FGF18: variants seen among roughly 807,000 people sequenced by gnomAD.
FGF18 encodes the protein fibroblast growth factor 18.
FGF18 carries 5 observed loss-of-function variants against 23.0 expected under a neutral mutation model. The observed-to-expected ratio is 0.22, with a 90% CI of 0.11 to 0.46. FGF18 has a LOEUF of 0.46. FGF18 is among the 20% of genes least tolerant of loss of function. The probability of loss-of-function intolerance (pLI) is 0.99; values close to 1 mark genes in which losing one functional copy is unlikely to be tolerated. For synonymous variants in FGF18, 117 were observed against 118.9 expected, an observed-to-expected ratio of 0.98 and a Z score of 0.10; for missense variants, 180 against 291.6, an observed-to-expected ratio of 0.62 and a Z score of 2.79.
intron 2 of FGF18, among the ~76,000 whole-genome samples, chr5:171,425,817 A>G (rs1454472674): frequency 6.6e-6 from 1 of 152,200 alleles, no homozygotes; most frequent in Non-Finnish European, 1.5e-5. Flanking sequence ...GGCATGAGCC[A>G]CTGCGCCTGG....
intron 3 of FGF18, among the ~76,000 whole-genome samples, chr5:171,437,497 A>C (rs1402367599): frequency 6.8e-6 from 1 of 146,540 alleles, no homozygotes. Flanking sequence ...TTCCCCTCCC[A>C]CTCTCTTTCC....
At chr5:171,447,740 G>A (rs1772439541) in intron 3 of FGF18, among the ~76,000 whole-genome samples, 1 of 152,132 alleles carries the variant, frequency 6.6e-6, no homozygotes, top group South Asian at 2.1e-4. Context: ...CATACCTAGT[G>A]TATTTTAGGG....
intron 3 of FGF18, among the ~76,000 whole-genome samples, chr5:171,443,454 TGC>T (rs1772374000): frequency 6.7e-6 from 1 of 148,588 alleles, no homozygotes; most frequent in Admixed American, 6.8e-5. Flanking sequence ...ATCTTAACAT[TGC>T]TTGACACATG....
At position 171,436,686 on chromosome 5, in the gene FGF18, T is replaced by A. The variant is rs1413259318; in HGVS notation, c.250+413T>A. On this transcript the variant is annotated intron_variant, in intron 3 of 4. Transcript: ENST00000274625. This position sits in a 1 kb window ranked among gnomAD's most constrained non-coding sequence, Gnocchi z 4.4. ...GTGGTGAAAATCAGCCTAGTGTGTG[T>A]GTTATGTGCGCGTGTGCATATGGGT... is the stretch of plus-strand genomic sequence containing the variant. 6.6e-6 allele frequency among the ~76,000 whole-genome samples: 1 copy of A among 152,186 alleles called. No individual in the cohort carries two copies. Among genetic ancestry groups the A allele is most frequent in the East Asian group, 1.9e-4 (1 of 5,188 alleles).
At position 171,456,822 on chromosome 5, in the gene FGF18, C is replaced by T. The variant is rs750217046; in HGVS notation, c.*17C>T. 1 of 1,596,234 alleles carries T rather than the reference C, an allele frequency of 6.3e-7. No homozygotes were observed. The highest frequency in any genetic ancestry group is 8.5e-7 in the Non-Finnish European group (1 of 1,169,730). On this transcript the variant is annotated 3_prime_UTR_variant, in exon 5 of 5. Coordinates refer to ENST00000274625, the MANE Select transcript of FGF18 (RefSeq NM_003862.3). This position sits in a 1 kb window ranked among gnomAD's most constrained non-coding sequence, Gnocchi z 6.1. ...CCTGCCTAGGCCACCCCGCCGCGGC[C>T]CCTCAGGTCGCCCTGGCCACACTCA...
chr5:171,455,357 T>C (rs1315091491), intron 4 of FGF18, among the ~76,000 whole-genome samples: 1 of 152,216 alleles, frequency 6.6e-6, no homozygotes, highest in Admixed American at 6.5e-5. Context: ...TGACATGTAA[T>C]TTGTATTTAA....
At chr5:171,432,091 C>T (rs944018100) in intron 2 of FGF18, among the ~76,000 whole-genome samples, 4 of 152,138 alleles carry the variant, frequency 2.6e-5, no homozygotes, top group Non-Finnish European at 5.9e-5. Flanking sequence ...TTCTTCAAAC[C>T]GCAGCTTTTC....
intron 3 of FGF18, among the ~76,000 whole-genome samples, chr5:171,442,535 G>A (rs1341747629): frequency 2.6e-5 from 4 of 152,196 alleles, no homozygotes; most frequent in Non-Finnish European, 4.4e-5. Context: ...GCCCCAGATC[G>A]GAGGCCCAGC....
intron 1 of FGF18, 22 bp from the exon 2 acceptor site, chr5:171,420,385 C>G (rs1301081566): frequency 1.9e-6 from 3 of 1,613,262 alleles, no homozygotes; most frequent in African/African-American, 2.7e-5. Context: ...CCACTGACCG[C>G]TTCTCCATCT....
chr5:171,423,836 T>C (rs943001235), intron 2 of FGF18, among the ~76,000 whole-genome samples: 3 of 150,606 alleles, frequency 2.0e-5, no homozygotes, highest in Admixed American at 2.0e-4. Context: ...TGGCGTGATC[T>C]TGGCTAACTG....
At chr5:171,423,351 A>C (rs1273518915) in intron 2 of FGF18, among the ~76,000 whole-genome samples, 1 of 152,220 alleles carries the variant, frequency 6.6e-6, no homozygotes, top group Non-Finnish European at 1.5e-5. Flanking sequence ...TGACCAGTAA[A>C]TTGCTTTTCT....
intron 4 of FGF18, 107 bp downstream of exon 4, chr5:171,449,360 CGTGTGTGTGTGT>C (rs56932885): frequency 6.4e-5 from 12 of 187,224 alleles, no homozygotes; most frequent in Admixed American, 1.1e-4. Context: ...GAAAACAGGC[CGTGTGTGTGTGT>C]GTGTGTGTGT....
intron 4 of FGF18, 147 bp downstream of exon 4, chr5:171,449,400 T>TGTGTGTGTGTGTGTGTGTGTGA (rs1458322429): frequency 1.4e-5 from 5 of 363,238 alleles, no homozygotes; most frequent in East Asian, 4.8e-5. Flanking sequence ...TGTGTGTGTG[T>TGTGTGTGTGTGTGTGTGTGTGA]GAGAGAGAGA....
In FGF18 at chr5:171,457,520, A is replaced by T. The variant is rs1018336416; in HGVS notation, c.*715A>T. The T allele has an allele frequency of 9.9e-5, 15 of 151,520 alleles. No homozygotes were observed. The highest frequency in any genetic ancestry group is 2.1e-4 in the Non-Finnish European group (14 of 67,938). 9.4% of individuals were successfully genotyped at this position (151,520 alleles called of 1,614,324 possible). A position where few individuals can be genotyped will look rare whatever the true frequency, so the allele number is the denominator to read the frequency against. On this transcript the variant is annotated 3_prime_UTR_variant, in exon 5 of 5. Coordinates refer to ENST00000274625, the MANE Select transcript of FGF18 (RefSeq NM_003862.3). ...TAAAACCAGCTATATTATATATATT[A>T]TATATATATAAGCTATTTATTTCAC...
At chr5:171,455,009 T>C (rs1343795194) in intron 4 of FGF18, among the ~76,000 whole-genome samples, 1 of 152,258 alleles carries the variant, frequency 6.6e-6, no homozygotes, top group Non-Finnish European at 1.5e-5. Context: ...AAGCTCCTAC[T>C]GTGTGTCAGA....
chr5:171,448,817 A>C (rs1211343724), intron 3 of FGF18, among the ~76,000 whole-genome samples: 1 of 152,020 alleles, frequency 6.6e-6, no homozygotes, highest in African/African-American at 2.4e-5. Flanking sequence ...GATGGGTAGA[A>C]GGGCACACTG....
Position 171,456,146 on chromosome 5 carries a change from T to C in FGF18, c.358-393T>C, listed in dbSNP as rs1392033337. Among the ~76,000 whole-genome samples, 1 of 152,092 alleles carries C rather than the reference T, an allele frequency of 6.6e-6. No homozygotes were observed. The highest frequency in any genetic ancestry group is 1.5e-5 in the Non-Finnish European group (1 of 68,016). ...CCCATCTGTGCACTTCTTTGTAAAA[T>C]CCAGTTTTAGCAAGAGCCCTGCTAA... On this transcript the variant is annotated intron_variant, in intron 4 of 4. Transcript: ENST00000274625. The surrounding 1 kb of genome is among the most constrained non-coding windows in gnomAD (Gnocchi z 6.1).
Position 171,436,410 on chromosome 5 carries a change from C to G in FGF18, c.250+137C>G, listed in dbSNP as rs1012772831. ...GACCTGGCACTGACCCTTTCTGGGT[C>G]TGTTTCCTGATCTATAAAATGGGGA... On this transcript the variant is annotated intron_variant, in intron 3 of 4. Transcript: ENST00000274625. This position sits in a 1 kb window ranked among gnomAD's most constrained non-coding sequence, Gnocchi z 4.4. 7 of 597,422 alleles carry G rather than the reference C, an allele frequency of 1.2e-5. No individual in the cohort carries two copies. The highest frequency in any genetic ancestry group is 1.9e-5 in the Non-Finnish European group (7 of 376,344). The allele number at this position is 597,422 out of a possible 1,614,324, so 37.0% of individuals were successfully genotyped here.
chr5:171,443,501 A>ATTTTTTTTTT lies in FGF18; in HGVS notation c.251-5624_251-5615dup, dbSNP rs59576538. Among the ~76,000 whole-genome samples the ATTTTTTTTTT allele has an allele frequency of 1.7e-3, 107 of 63,772 alleles. 19 individuals carry two copies. Among genetic ancestry groups the ATTTTTTTTTT allele is most frequent in the East Asian group, 4.8e-3 (7 of 1,456 alleles). 41.8% of individuals were successfully genotyped at this position (63,772 alleles called of 152,430 possible). The stretch of plus-strand genomic sequence containing the variant: ...CAGATAAGTATTCACTGTTATCATC[A>ATTTTTTTTTT]TTTTTTTTTTTTTTTTTTTTTTTTT... On this transcript the variant is annotated intron_variant, in intron 3 of 4. Transcript: ENST00000274625.
Sources: gnomAD v4.1 joint callset for allele counts (sites outside exome capture counted in the v4.1 genomes callset) on GRCh38, gnomAD v4.1.1 for gene constraint, Gnocchi (gnomAD v3.1) non-coding constraint, MANE v1.5 for transcripts, NCBI Gene and HGNC (gene_info 2026-07-23, HGNC 2026-07-21) for gene names.